ANKRD28: variants seen among roughly 807,000 people sequenced by gnomAD.
The protein encoded by ANKRD28 is ankyrin repeat domain 28.
Under a neutral mutation model 126.5 loss-of-function variants are expected in ANKRD28, and 44 were observed. The ratio of observed to expected loss-of-function variants is 0.35; its 90% CI spans 0.27 to 0.45. ANKRD28 has a LOEUF of 0.45. ANKRD28 is among the 20% of genes least tolerant of loss of function. The pLI is 1.00. For synonymous variants in ANKRD28, 442 were observed against 468.5 expected, an observed-to-expected ratio of 0.94 and a Z score of 0.73; for missense variants, 1,110 against 1,316.6, an observed-to-expected ratio of 0.84 and a Z score of 2.43.
chr3:15,755,090 T>C (rs1312356857), intron 3 of ANKRD28, among the ~76,000 whole-genome samples: 2 of 151,886 alleles, frequency 1.3e-5, no homozygotes, highest in Admixed American at 6.6e-5. Flanking sequence ...GACCGTGCCA[T>C]TGCACTCCAG....
chr3:15,799,157 A>G (rs939263019), upstream of ANKRD28, among the ~76,000 whole-genome samples: 2 of 152,092 alleles, frequency 1.3e-5, no homozygotes, highest in African/African-American at 4.8e-5. Context: ...AGATCTTTGC[A>G]ACCTGTAATA....
At chr3:15,673,528 G>A (rs1186959363) in intron 27 of ANKRD28, among the ~76,000 whole-genome samples, 1 of 152,120 alleles carries the variant, frequency 6.6e-6, no homozygotes, top group Non-Finnish European at 1.5e-5. Context: ...TAACAAAAAA[G>A]TACATTATAT....
intron 14 of ANKRD28, among the ~76,000 whole-genome samples, chr3:15,697,063 G>A (rs2069698104): frequency 6.6e-6 from 1 of 152,118 alleles, no homozygotes; most frequent in Non-Finnish European, 1.5e-5. Context: ...CAACGAACGA[G>A]TGCGTAAAGA....
chr3:15,773,634 T>C (rs528938042), intron 2 of ANKRD28, among the ~76,000 whole-genome samples: 1 of 151,594 alleles, frequency 6.6e-6, no homozygotes, highest in African/African-American at 2.4e-5. Flanking sequence ...AAAAAAAAAA[T>C]TTCAAGATTT....
At chr3:15,760,945 A>G (rs921853949) in intron 3 of ANKRD28, among the ~76,000 whole-genome samples, 7 of 152,198 alleles carry the variant, frequency 4.6e-5, no homozygotes, top group African/African-American at 1.7e-4. Flanking sequence ...TGGAGAAAAT[A>G]TAAATATCCT....
intron 4 of ANKRD28, among the ~76,000 whole-genome samples, chr3:15,749,266 G>A (rs1242953521): frequency 1.3e-4 from 19 of 150,366 alleles, no homozygotes; most frequent in Admixed American, 4.6e-4. Context: ...GCCCGCCACC[G>A]CGCCCGGCTA....
chr3:15,754,699 A>G (rs530457091), intron 3 of ANKRD28, among the ~76,000 whole-genome samples: 8 of 152,326 alleles, frequency 5.3e-5, no homozygotes, highest in African/African-American at 1.9e-4. Flanking sequence ...GAAACCCTAC[A>G]GGAATGCTAA....
At chr3:15,745,915 C>G (rs1432560276) in intron 4 of ANKRD28, among the ~76,000 whole-genome samples, 3 of 152,048 alleles carry the variant, frequency 2.0e-5, no homozygotes, top group African/African-American at 7.2e-5. Context: ...TTGTAGGGGT[C>G]TTTCACCTCC....
Position 15,853,237 on chromosome 3 carries a change from G to T in ANKRD28, c.27+6140C>A, listed in dbSNP as rs551091117. 8.5e-5 allele frequency among the ~76,000 whole-genome samples: 13 copies of T among 152,108 alleles called. No homozygotes were observed. In the East Asian group the frequency reaches 2.5e-3, roughly 29 times the overall value. ...TTTGATATGATGTGAACCGCCCATAGGATACATTATTCAAAACAAAAGACC... is the reference window on the plus strand; with the variant it reads ...TTTGATATGATGTGAACCGCCCATATGATACATTATTCAAAACAAAAGACC... On this transcript the variant is annotated intron_variant, in intron 1 of 27. Transcript: ENST00000399451. The surrounding 1 kb of genome is among the most constrained non-coding windows in gnomAD (Gnocchi z 4.2).
At chr3:15,835,005 A>G (rs2061291758) in intron 1 of ANKRD28, among the ~76,000 whole-genome samples, 1 of 152,134 alleles carries the variant, frequency 6.6e-6, no homozygotes, top group Admixed American at 6.5e-5. Context: ...AAAATTAGCC[A>G]TGTGTGTTGG....
chr3:15,795,279 C>T lies in ANKRD28; in HGVS notation c.145G>A (p.Gly49Arg), dbSNP rs768094206. The change falls in exon 2 of 28, where the codon GGA becomes AGA. Residue 49 changes from glycine to arginine, a missense_variant. Physicochemically the swap from Gly to Arg is moderately radical, Grantham distance 125 (BLOSUM62 -2). Coordinates refer to ENST00000683139, the MANE Select transcript of ANKRD28 (RefSeq NM_001349278.2). Reference protein sequence around the residue: ...LPSLVQAIFNGDPDEVRALIF... With the variant: ...LPSLVQAIFNRDPDEVRALIF... Reference sequence around the variant, plus strand: ...AGTGCTCGAACTTCATCAGGATCTCCGTTAAATATAGCTTGCACCAGTGAT... The same window carrying T: ...AGTGCTCGAACTTCATCAGGATCTCTGTTAAATATAGCTTGCACCAGTGAT... 15 of 1,612,264 alleles carry T rather than the reference C, an allele frequency of 9.3e-6. No homozygotes were observed. Among genetic ancestry groups the T allele is most frequent in the African/African-American group, 8.0e-5 (6 of 74,814 alleles).
intron 1 of ANKRD28, among the ~76,000 whole-genome samples, chr3:15,813,499 C>T (rs1559566175): frequency 6.6e-6 from 1 of 152,208 alleles, no homozygotes; most frequent in Non-Finnish European, 1.5e-5. Flanking sequence ...AATGGTATTA[C>T]TGTTTGGGAT....
chr3:15,837,818 A>T (rs2061354779), intron 1 of ANKRD28, among the ~76,000 whole-genome samples: 1 of 152,006 alleles, frequency 6.6e-6, no homozygotes, highest in Non-Finnish European at 1.5e-5. Context: ...AAAAAAGAAA[A>T]AGAAGAAAAT....
intron 7 of ANKRD28, among the ~76,000 whole-genome samples, chr3:15,722,559 C>T (rs960232390): frequency 2.6e-5 from 4 of 152,122 alleles, no homozygotes; most frequent in African/African-American, 7.2e-5. Context: ...AATTATCAAA[C>T]CTGAAAGTGG....
intron 27 of ANKRD28, among the ~76,000 whole-genome samples, chr3:15,671,353 G>A (rs190319892): frequency 8.5e-5 from 13 of 152,234 alleles, no homozygotes; most frequent in Admixed American, 2.6e-4. Flanking sequence ...ATAGTGTGAT[G>A]CCAAGCTTCA....
At chr3:15,801,575 C>A (rs2060466987), upstream of ANKRD28, among the ~76,000 whole-genome samples, 1 of 152,126 alleles carries the variant, frequency 6.6e-6, no homozygotes, top group Non-Finnish European at 1.5e-5. This position sits in a 1 kb window ranked among gnomAD's most constrained non-coding sequence, Gnocchi z 4.9. Context: ...AGAATCCTCA[C>A]CAATCTTCTT....
intron 14 of ANKRD28, chr3:15,697,389 G>A (rs1427401525): frequency 6.6e-6 from 1 of 152,042 alleles, no homozygotes; most frequent in Non-Finnish European, 1.5e-5. Context: ...TTGCTCAGGG[G>A]ACCAGTGCAC....
At chr3:15,741,873 A>G (rs886928691) in intron 4 of ANKRD28, among the ~76,000 whole-genome samples, 4 of 151,098 alleles carry the variant, frequency 2.6e-5, no homozygotes, top group Non-Finnish European at 4.4e-5. Context: ...AGTGCCTGCG[A>G]TTGCAGGCGC....
intron 3 of ANKRD28, among the ~76,000 whole-genome samples, chr3:15,755,621 A>G (rs2058110952): frequency 6.6e-6 from 1 of 152,228 alleles, no homozygotes; most frequent in Non-Finnish European, 1.5e-5. Context: ...CACAACAGCT[A>G]ATAATGAGGA....
Sources: gnomAD v4.1 joint callset for allele counts (sites outside exome capture counted in the v4.1 genomes callset) on GRCh38, gnomAD v4.1.1 for gene constraint, Gnocchi (gnomAD v3.1) non-coding constraint, MANE v1.5 for transcripts, NCBI Gene and HGNC (gene_info 2026-07-23, HGNC 2026-07-21) for gene names.